Variants in NRG1 observed in about 807,000 individuals in gnomAD.
NRG1 encodes the protein pro-neuregulin-1, membrane-bound isoform.
NRG1 carries 18 observed loss-of-function variants against 63.8 expected under a neutral mutation model. The observed-to-expected ratio is 0.28, with a 90% CI of 0.19 to 0.42. NRG1 has a LOEUF of 0.42. Among genes scored for constraint, NRG1 ranks in the 10% least tolerant of loss-of-function variants. NRG1 has a pLI of 1.00. For synonymous variants in NRG1, 302 were observed against 301.3 expected, an observed-to-expected ratio of 1.00 and a Z score of -0.02; for missense variants, 762 against 814.7, an observed-to-expected ratio of 0.94 and a Z score of 0.79.
chr8:32,577,153 C>A (rs1230327246), intron 1 of NRG1, among the ~76,000 whole-genome samples: 1 of 152,198 alleles, frequency 6.6e-6, no homozygotes, highest in Non-Finnish European at 1.5e-5. Context: ...GATGCAGTTT[C>A]ATTCCTTTTT....
At chr8:32,043,556 T>A (rs1479600735) in intron 1 of NRG1, among the ~76,000 whole-genome samples, 1 of 152,002 alleles carries the variant, frequency 6.6e-6, no homozygotes, top group African/African-American at 2.4e-5. Context: ...CATCCTTTTC[T>A]TGAGTTATTT....
At chr8:32,464,059 A>T (rs1256244887) in intron 1 of NRG1, among the ~76,000 whole-genome samples, 8 of 149,852 alleles carry the variant, frequency 5.3e-5, no homozygotes, top group African/African-American at 2.0e-4. Flanking sequence ...TGACCAGCTA[A>T]TTTTTTTTGT....
At chr8:31,905,077 A>T (rs1239101228) in intron 1 of NRG1, among the ~76,000 whole-genome samples, 1 of 152,076 alleles carries the variant, frequency 6.6e-6, no homozygotes, top group African/African-American at 2.4e-5. Flanking sequence ...CATTGTGGAC[A>T]TCATACAAGC....
intron 1 of NRG1, among the ~76,000 whole-genome samples, chr8:32,383,438 C>T (rs1007810992): frequency 6.6e-6 from 1 of 152,186 alleles, no homozygotes; most frequent in African/African-American, 2.4e-5. Context: ...CCTAGCCATA[C>T]CTAGGTCACA....
At chr8:32,297,921 G>A (rs1302127324) in intron 1 of NRG1, among the ~76,000 whole-genome samples, 1 of 152,236 alleles carries the variant, frequency 6.6e-6, no homozygotes, top group African/African-American at 2.4e-5. Context: ...TCTATGCAAT[G>A]TAATGAGAAG....
chr8:31,928,761 G>C (rs1185254216), intron 1 of NRG1, among the ~76,000 whole-genome samples: 2 of 152,036 alleles, frequency 1.3e-5, no homozygotes, highest in Admixed American at 6.5e-5. Context: ...TCTAAATAAA[G>C]TATTTCAGGA....
intron 1 of NRG1, among the ~76,000 whole-genome samples, chr8:31,998,394 T>C (rs1460711239): frequency 1.3e-5 from 2 of 152,054 alleles, no homozygotes; most frequent in East Asian, 1.9e-4. Flanking sequence ...TGAATACAGA[T>C]ACTTGGTAAA....
chr8:32,130,478 G>A (rs979437023), intron 1 of NRG1, among the ~76,000 whole-genome samples: 4 of 151,776 alleles, frequency 2.6e-5, no homozygotes, highest in African/African-American at 4.8e-5. Flanking sequence ...ATTGGAATTG[G>A]TGGTAATACT....
intron 1 of NRG1, among the ~76,000 whole-genome samples, chr8:32,397,904 A>G (rs1002961806): frequency 6.6e-6 from 1 of 152,244 alleles, no homozygotes; most frequent in Non-Finnish European, 1.5e-5. Context: ...ATGTTTGGAA[A>G]TAAAAGCATG....
intron 1 of NRG1, among the ~76,000 whole-genome samples, chr8:32,263,228 A>G (rs1370621513): frequency 1.3e-5 from 2 of 152,194 alleles, no homozygotes; most frequent in East Asian, 1.9e-4. Context: ...CCTATGTGCT[A>G]TTATTAGCTC....
chr8:32,500,576 A>G (rs1215168583), intron 1 of NRG1, among the ~76,000 whole-genome samples: 1 of 152,198 alleles, frequency 6.6e-6, no homozygotes, highest in Non-Finnish European at 1.5e-5. Context: ...AATGTTTCCA[A>G]TTGTGTTCTG....
intron 1 of NRG1, among the ~76,000 whole-genome samples, chr8:31,750,547 A>G (rs1008191314): frequency 2.0e-5 from 3 of 151,990 alleles, no homozygotes; most frequent in African/African-American, 7.2e-5. Flanking sequence ...TGCACTTAAC[A>G]GTGGACGTAA....
intron 5 of NRG1, among the ~76,000 whole-genome samples, chr8:32,674,489 C>T (rs574471374): frequency 6.6e-6 from 1 of 152,114 alleles, no homozygotes; most frequent in Admixed American, 6.5e-5. Flanking sequence ...AAAGGTTTCT[C>T]CACTAAATTC....
At chr8:31,974,797 A>G (rs1366861776) in intron 1 of NRG1, among the ~76,000 whole-genome samples, 1 of 152,236 alleles carries the variant, frequency 6.6e-6, no homozygotes, top group Non-Finnish European at 1.5e-5. Flanking sequence ...TGGTTATTTT[A>G]AAGCTGATTG....
intron 1 of NRG1, among the ~76,000 whole-genome samples, chr8:32,330,048 A>T (rs1393047925): frequency 8.0e-5 from 2 of 24,860 alleles, no homozygotes; most frequent in Non-Finnish European, 1.4e-4. Context: ...AATTAAAAAA[A>T]AAAAAAAAAA....
chr8:32,361,252 C>T (rs920245839), intron 1 of NRG1, among the ~76,000 whole-genome samples: 6 of 152,104 alleles, frequency 3.9e-5, no homozygotes, highest in Admixed American at 1.3e-4. Context: ...CATGGCGCCA[C>T]ATCAGAGTAT....
At chr8:31,975,316 G>A (rs983532740) in intron 1 of NRG1, among the ~76,000 whole-genome samples, 9 of 152,106 alleles carry the variant, frequency 5.9e-5, no homozygotes, top group African/African-American at 9.7e-5. Flanking sequence ...GGCTGAGACC[G>A]CTGGCTGCAC....
At chr8:32,457,737 G>A (rs1261186798) in intron 1 of NRG1, among the ~76,000 whole-genome samples, 1 of 152,106 alleles carries the variant, frequency 6.6e-6, no homozygotes, top group East Asian at 1.9e-4. Context: ...CTTTTTTGGG[G>A]AAAGTTTTTG....
At chr8:32,038,979 G>A (rs1409881959) in intron 1 of NRG1, among the ~76,000 whole-genome samples, 1 of 152,032 alleles carries the variant, frequency 6.6e-6, no homozygotes, top group Non-Finnish European at 1.5e-5. Context: ...ATCTAAAAAT[G>A]TTCAATGTCA....
Sources: gnomAD v4.1 joint callset for allele counts (sites outside exome capture counted in the v4.1 genomes callset) on GRCh38, gnomAD v4.1.1 for gene constraint, MANE v1.5 for transcripts, NCBI Gene and HGNC (gene_info 2026-07-23, HGNC 2026-07-21) for gene names.